MARCHF1: variants seen among roughly 807,000 people sequenced by gnomAD.
MARCHF1 encodes E3 ubiquitin-protein ligase MARCHF1.
Under a neutral mutation model 54.2 loss-of-function variants are expected in MARCHF1, and 40 were observed. That is an observed-to-expected ratio of 0.74 (90% CI 0.57 to 0.96). MARCHF1 has a LOEUF of 0.96. Ranked by LOEUF, MARCHF1 falls within the 40% of genes least tolerant of loss-of-function variation. The pLI is 0.00. For missense variants in MARCHF1, 586 were observed against 656.5 expected (o/e 0.89, Z 1.17); for synonymous variants, 236 against 236.3 (o/e 1.00, Z 0.01).
At chr4:164,140,505 C>G (rs538701238) in intron 1 of MARCHF1, among the ~76,000 whole-genome samples, 2 of 152,224 alleles carry the variant, frequency 1.3e-5, no homozygotes, top group Non-Finnish European at 2.9e-5. Context: ...TACCTGCTTC[C>G]TGTTGACTAA....
At chr4:164,336,058 C>T (rs1470714117) in intron 1 of MARCHF1, among the ~76,000 whole-genome samples, 1 of 151,984 alleles carries the variant, frequency 6.6e-6, no homozygotes, top group African/African-American at 2.4e-5. Flanking sequence ...TACCAAGAGA[C>T]AACATTAGTA....
intron 3 of MARCHF1, among the ~76,000 whole-genome samples, chr4:163,959,791 CA>C (rs1352229731): frequency 6.6e-6 from 1 of 151,810 alleles, no homozygotes; most frequent in Admixed American, 6.6e-5. Flanking sequence ...AAAATAATTG[CA>C]ACAAATGCAA....
intron 3 of MARCHF1, among the ~76,000 whole-genome samples, chr4:163,985,983 T>C (rs1202957973): frequency 2.0e-5 from 3 of 152,128 alleles, no homozygotes; most frequent in Non-Finnish European, 2.9e-5. Flanking sequence ...ATGTATGCTG[T>C]TTAATTTATC....
At chr4:163,778,642 A>G (rs1747373171) in intron 4 of MARCHF1, among the ~76,000 whole-genome samples, 1 of 152,198 alleles carries the variant, frequency 6.6e-6, no homozygotes, top group South Asian at 2.1e-4. Context: ...AATGTGGTAT[A>G]TATAGACAAT....
At chr4:164,310,746 T>TA (rs1305021696) in intron 1 of MARCHF1, among the ~76,000 whole-genome samples, 2 of 151,998 alleles carry the variant, frequency 1.3e-5, no homozygotes, top group African/African-American at 4.8e-5. Flanking sequence ...TTTAAGTTAT[T>TA]AAAAAACAAC....
At chr4:164,097,624 T>C (rs1457462495) in intron 2 of MARCHF1, among the ~76,000 whole-genome samples, 2 of 152,100 alleles carry the variant, frequency 1.3e-5, no homozygotes, top group Non-Finnish European at 2.9e-5. Flanking sequence ...TTTAAGTATA[T>C]GTATTAAAAA....
intron 4 of MARCHF1, among the ~76,000 whole-genome samples, chr4:163,730,105 T>C (rs62332967): frequency 0.46 from 69,436 of 151,928 alleles, 15,998 homozygotes; most frequent in Admixed American, 0.5. Flanking sequence ...GTTTTTCAGA[T>C]TTGATAATTT....
chr4:164,345,785 G>T (rs1451807997), intron 1 of MARCHF1, among the ~76,000 whole-genome samples: 1 of 151,298 alleles, frequency 6.6e-6, no homozygotes, highest in Non-Finnish European at 1.5e-5. Context: ...TCTGCTGCTG[G>T]TTTTTTGTTT....
intron 1 of MARCHF1, among the ~76,000 whole-genome samples, chr4:164,345,323 G>C (rs1730057384): frequency 6.6e-6 from 1 of 151,956 alleles, no homozygotes; most frequent in Non-Finnish European, 1.5e-5. Flanking sequence ...TCCTTGTACT[G>C]TGGAACATCA....
At chr4:163,765,451 A>G (rs1355480934) in intron 4 of MARCHF1, among the ~76,000 whole-genome samples, 1 of 152,180 alleles carries the variant, frequency 6.6e-6, no homozygotes, top group Non-Finnish European at 1.5e-5. Context: ...CAATACTCTT[A>G]TCATTACACT....
chr4:163,871,950 G>C (rs888721914), intron 3 of MARCHF1, among the ~76,000 whole-genome samples: 2 of 152,154 alleles, frequency 1.3e-5, no homozygotes, highest in Non-Finnish European at 2.9e-5. Context: ...GTCAGTGAAA[G>C]ATATTTTATA....
chr4:163,808,475 T>A (rs1477711431), intron 4 of MARCHF1, among the ~76,000 whole-genome samples: 1 of 152,096 alleles, frequency 6.6e-6, no homozygotes, highest in East Asian at 1.9e-4. Flanking sequence ...GTTTTTAGAG[T>A]CAGAAAAAGC....
At chr4:163,639,019 C>T (rs923067250) in intron 5 of MARCHF1, among the ~76,000 whole-genome samples, 40 of 151,932 alleles carry the variant, frequency 2.6e-4, no homozygotes, top group Non-Finnish European at 5.1e-4. Context: ...TAATAGTTCC[C>T]AGAGACTGGA....
chr4:164,026,670 C>A (rs1297952394), intron 2 of MARCHF1, among the ~76,000 whole-genome samples: 2 of 152,112 alleles, frequency 1.3e-5, no homozygotes, highest in Non-Finnish European at 2.9e-5. Context: ...TCCTTGAAAA[C>A]TGGAACAAGA....
At chr4:164,012,166 C>T (rs1753435220) in intron 2 of MARCHF1, among the ~76,000 whole-genome samples, 1 of 152,162 alleles carries the variant, frequency 6.6e-6, no homozygotes, top group Non-Finnish European at 1.5e-5. Context: ...AGTCCTAGGG[C>T]AAGTCCTGTT....
At chr4:163,570,867 A>G (rs1739819301) in intron 8 of MARCHF1, among the ~76,000 whole-genome samples, 1 of 151,986 alleles carries the variant, frequency 6.6e-6, no homozygotes, top group African/African-American at 2.4e-5. Context: ...ACTCCTTACC[A>G]TATCCCTCAG....
intron 1 of MARCHF1, among the ~76,000 whole-genome samples, chr4:164,242,624 T>C (rs1225222018): frequency 1.3e-5 from 2 of 152,022 alleles, no homozygotes; most frequent in Admixed American, 1.3e-4. Flanking sequence ...CAAAGCTGGA[T>C]GGAGAATGAC....
At chr4:164,202,663 A>G (rs1042589987) in intron 1 of MARCHF1, among the ~76,000 whole-genome samples, 5 of 152,228 alleles carry the variant, frequency 3.3e-5, no homozygotes, top group Non-Finnish European at 7.3e-5. Context: ...TGATTTGATT[A>G]AAGTCCATGA....
At chr4:164,215,201 T>C (rs967781975) in intron 1 of MARCHF1, among the ~76,000 whole-genome samples, 3 of 152,146 alleles carry the variant, frequency 2.0e-5, no homozygotes, top group African/African-American at 7.2e-5. Context: ...TGTGTGGAAG[T>C]AGTTCTCAGC....
Sources: gnomAD v4.1 joint callset for allele counts (sites outside exome capture counted in the v4.1 genomes callset) on GRCh38, gnomAD v4.1.1 for gene constraint, MANE v1.5 for transcripts, NCBI Gene and HGNC (gene_info 2026-07-23, HGNC 2026-07-21) for gene names.